Variants in THSD4 observed in about 807,000 individuals in gnomAD.
THSD4 encodes thrombospondin type-1 domain-containing protein 4.
THSD4 carries 69 observed loss-of-function variants against 119.0 expected under a neutral mutation model. The observed-to-expected ratio is 0.58, with a 90% CI of 0.48 to 0.71. The LOEUF is 0.71. Among genes scored for constraint, THSD4 ranks in the 30% least tolerant of loss-of-function variants. THSD4 has a pLI of 0.00. For synonymous variants in THSD4, 524 were observed against 540.4 expected, an observed-to-expected ratio of 0.97 and a Z score of 0.42; for missense variants, 1,393 against 1,391.1, an observed-to-expected ratio of 1.00 and a Z score of -0.02.
intron 1 of THSD4, among the ~76,000 whole-genome samples, chr15:71,130,819 G>A (rs1354871490): frequency 1.3e-5 from 2 of 152,176 alleles, no homozygotes; most frequent in African/African-American, 2.4e-5. Context: ...ATCTCAGCTC[G>A]CTGCAAGCTC....
intron 7 of THSD4, among the ~76,000 whole-genome samples, chr15:71,629,568 T>A (rs1373524960): frequency 6.6e-6 from 1 of 152,174 alleles, no homozygotes; most frequent in Non-Finnish European, 1.5e-5. Flanking sequence ...ATTTTCCATT[T>A]GTAGTTTCTT....
In THSD4 at chr15:71,164,986, A is replaced by G. The variant is rs935761173; in HGVS notation, c.99+10054A>G. The G allele has an allele frequency of 8.2e-6, 13 of 1,594,678 alleles. No homozygotes were observed. In the African/African-American group the frequency reaches 1.6e-4, roughly 20 times the overall value. On this transcript the variant is annotated intron_variant, in intron 3 of 17. Transcript: ENST00000261862. The stretch of plus-strand genomic sequence containing the variant: ...CCTTCAGCTTCGCAGCCTTCTTTTC[A>G]TAAGGCTGCTTGTCATCTGCAGCAG...
intron 5 of THSD4, among the ~76,000 whole-genome samples, chr15:71,251,820 G>C (rs147316400): frequency 3.3e-5 from 5 of 152,106 alleles, no homozygotes; most frequent in African/African-American, 1.2e-4. Context: ...TGTCATTTCA[G>C]ATTAACCAGG....
intron 1 of THSD4, among the ~76,000 whole-genome samples, chr15:71,101,016 AAAAT>A (rs2040251644): frequency 6.6e-6 from 1 of 151,760 alleles, no homozygotes; most frequent in Admixed American, 6.6e-5. Context: ...AGTAAAATAA[AAAAT>A]AAAATAAAAT....
intron 6 of THSD4, among the ~76,000 whole-genome samples, chr15:71,256,932 G>A (rs1461517741): frequency 6.6e-6 from 1 of 152,202 alleles, no homozygotes; most frequent in Non-Finnish European, 1.5e-5. Context: ...GAGTCAGATG[G>A]ATGAGGCACT....
At chr15:71,493,727 A>G (rs990635013) in intron 7 of THSD4, among the ~76,000 whole-genome samples, 1 of 152,212 alleles carries the variant, frequency 6.6e-6, no homozygotes, top group African/African-American at 2.4e-5. Flanking sequence ...TCCAGAGGAC[A>G]AAGGTTTATT....
chr15:71,452,676 C>T (rs1444928800), intron 7 of THSD4, among the ~76,000 whole-genome samples: 9 of 152,046 alleles, frequency 5.9e-5, no homozygotes, highest in Non-Finnish European at 1.2e-4. Context: ...AGTGCAGTAG[C>T]GCGATCTCTG....
At chr15:71,474,767 C>T (rs1483991197) in intron 7 of THSD4, among the ~76,000 whole-genome samples, 1 of 152,042 alleles carries the variant, frequency 6.6e-6, no homozygotes, top group Non-Finnish European at 1.5e-5. Context: ...GTATTTATTC[C>T]CTTGGCTCTC....
chr15:71,215,254 G>A lies in THSD4; in HGVS notation c.319G>A (p.Ala107Thr), dbSNP rs1229125009. ...ARAFADHVVS[A>T]VRTSVPLHRS... ...CGCCTTCGCGGACCACGTGGTGTCG[G>A]CGGTGCGCACGTCGGTGCCACTGCA... is the stretch of plus-strand genomic sequence containing the variant. Residue 107 changes from alanine to threonine, a missense_variant, in exon 4 of 18, where the codon GCG becomes ACG. By Grantham distance (58) the Ala-to-Thr change is moderately conservative. Coordinates refer to ENST00000261862, the MANE Select transcript of THSD4 (RefSeq NM_024817.3). The A allele has an allele frequency of 2.0e-6, 3 of 1,487,518 alleles. No individual in the cohort carries two copies. In the African/African-American group the frequency reaches 4.4e-5, roughly 22 times the overall value. 92.1% of individuals were successfully genotyped at this position (1,487,518 alleles called of 1,614,324 possible). A position where few individuals can be genotyped will look rare whatever the true frequency, so the allele number is the denominator to read the frequency against.
At chr15:71,727,571 TATATATATATATATATACACAC>T (rs751584616) in intron 8 of THSD4, among the ~76,000 whole-genome samples, 2,866 of 33,470 alleles carry the variant, frequency 0.086, 52 homozygotes, top group East Asian at 0.22. Flanking sequence ...TATATATATA[TATATATATATATATATACACAC>T]ACACACACAC....
chr15:71,350,175 CA>C (rs1254127979), intron 6 of THSD4, among the ~76,000 whole-genome samples: 60 of 147,572 alleles, frequency 4.1e-4, no homozygotes, highest in Non-Finnish European at 1.5e-4. Flanking sequence ...ACATTGATGC[CA>C]AAAACAAGGT....
intron 16 of THSD4, among the ~76,000 whole-genome samples, chr15:71,766,408 G>A (rs1361263460): frequency 6.6e-6 from 1 of 152,014 alleles, no homozygotes; most frequent in Non-Finnish European, 1.5e-5. Context: ...CCCAGAGTAG[G>A]GGGGCCAGAG....
At chr15:71,492,072 T>A (rs2140701773) in intron 7 of THSD4, among the ~76,000 whole-genome samples, 1 of 152,150 alleles carries the variant, frequency 6.6e-6, no homozygotes, top group Admixed American at 6.5e-5. Context: ...ATTTGCATGT[T>A]TTTCTGTGGG....
intron 6 of THSD4, among the ~76,000 whole-genome samples, chr15:71,397,885 A>G (rs995502250): frequency 1.3e-5 from 2 of 152,264 alleles, no homozygotes. Context: ...AGTACTTGGT[A>G]CAATGCAAGC....
At chr15:71,460,533 T>C (rs2047415696) in intron 7 of THSD4, among the ~76,000 whole-genome samples, 1 of 152,150 alleles carries the variant, frequency 6.6e-6, no homozygotes, top group Non-Finnish European at 1.5e-5. Context: ...CCTCCAGTCC[T>C]GAACTCACAT....
rs527983938 is a variant in THSD4, at chr15:71,650,720, C to G, written c.1153-9810C>G. Among the ~76,000 whole-genome samples the G allele has an allele frequency of 3.0e-4, 45 of 152,308 alleles. No homozygotes were observed. In the South Asian group the frequency reaches 6.6e-3, roughly 22 times the overall value. On this transcript the variant is annotated intron_variant, in intron 7 of 17. Coordinates refer to ENST00000261862, the MANE Select transcript of THSD4 (RefSeq NM_024817.3). ...CAGTAATGTCAGACTAGGACACTTC[C>G]TGTTTACAGGAGACTATAAAACTTT... is the stretch of plus-strand genomic sequence containing the variant.
At chr15:71,566,602 G>GTT (rs1365759674) in intron 7 of THSD4, among the ~76,000 whole-genome samples, 6 of 152,086 alleles carry the variant, frequency 3.9e-5, no homozygotes, top group African/African-American at 9.7e-5. Flanking sequence ...CTCTTGGACT[G>GTT]TTTTCCCCAT....
intron 6 of THSD4, among the ~76,000 whole-genome samples, chr15:71,380,219 C>T (rs1196393051): frequency 1.3e-5 from 2 of 152,060 alleles, no homozygotes; most frequent in Non-Finnish European, 2.9e-5. Flanking sequence ...TTTAACAATT[C>T]CCTTCTTCTT....
intron 7 of THSD4, among the ~76,000 whole-genome samples, chr15:71,643,134 A>G (rs2050898135): frequency 6.6e-6 from 1 of 152,052 alleles, no homozygotes; most frequent in African/African-American, 2.4e-5. Context: ...GTTAATTTAA[A>G]TAGTAAAACA....
Sources: allele counts gnomAD v4.1 joint callset (sites outside exome capture counted in the v4.1 genomes callset), GRCh38; gene constraint gnomAD v4.1.1; transcripts MANE v1.5; gene names NCBI Gene and HGNC (gene_info 2026-07-23, HGNC 2026-07-21).